The following SOX5 variants were observed in gnomAD, a reference collection of about 807,000 sequenced individuals.
SOX5 encodes transcription factor SOX-5.
A neutral mutation model predicts 92.0 loss-of-function variants in SOX5; 9 were observed. The observed-to-expected ratio is 0.10, with a 90% CI of 0.06 to 0.17. The LOEUF (loss-of-function observed/expected upper bound fraction) is 0.17. Among genes scored for constraint, SOX5 ranks in the 10% least tolerant of loss-of-function variants. The pLI, the probability that SOX5 is intolerant of heterozygous loss-of-function variation, is 1.00. For missense variants in SOX5, 642 were observed against 944.5 expected (o/e 0.68, Z 4.20); for synonymous variants, 344 against 336.3 (o/e 1.02, Z -0.25).
intron 4 of SOX5, among the ~76,000 whole-genome samples, chr12:24,131,496 T>G (rs568131021): frequency 3.3e-5 from 5 of 152,210 alleles, no homozygotes; most frequent in Non-Finnish European, 7.4e-5. Flanking sequence ...ACTTATTTAT[T>G]TATACCACTT....
intron 7 of SOX5, among the ~76,000 whole-genome samples, chr12:23,642,305 G>A (rs887975779): frequency 6.6e-6 from 1 of 152,116 alleles, no homozygotes; most frequent in African/African-American, 2.4e-5. Context: ...ACAGTTTAAT[G>A]GGAGAAAAAG....
At chr12:24,407,540 C>G (rs1005911059) in intron 1 of SOX5, 1 of 151,860 alleles carries the variant, frequency 6.6e-6, no homozygotes, top group African/African-American at 2.4e-5. Flanking sequence ...TGAAGTATGG[C>G]TCTACACCTT....
At chr12:23,715,392 C>G (rs566825422) in intron 6 of SOX5, among the ~76,000 whole-genome samples, 84 of 152,168 alleles carry the variant, frequency 5.5e-4, no homozygotes, top group Non-Finnish European at 1.1e-3. Flanking sequence ...CATCATTTCA[C>G]ACCACCTTAT....
At chr12:24,282,956 T>C (rs1234505273) in intron 2 of SOX5, among the ~76,000 whole-genome samples, 1 of 152,240 alleles carries the variant, frequency 6.6e-6, no homozygotes, top group Non-Finnish European at 1.5e-5. Context: ...AACATCTATA[T>C]TCAGGCCTTA....
intron 4 of SOX5, among the ~76,000 whole-genome samples, chr12:24,173,554 C>T (rs1954439894): frequency 6.6e-6 from 1 of 152,148 alleles, no homozygotes; most frequent in East Asian, 1.9e-4. Context: ...AGCTTTCTAC[C>T]TGGTAATCAG....
rs115918253 is a variant in SOX5 at position 24,313,345 on chromosome 12, G to C, written c.-173-36033C>G. 8.9e-3 allele frequency among the ~76,000 whole-genome samples: 1,351 copies of C among 152,196 alleles called. 16 individuals are homozygous for C. The highest frequency in any genetic ancestry group is 0.03 in the African/African-American group (1,253 of 41,528). On this transcript the variant is annotated intron_variant, in intron 2 of 4. Transcript: ENST00000446891. The stretch of plus-strand genomic sequence containing the variant: ...GAGTTCAAGACTAACCTGGGCAACA[G>C]AGTGAGACCCCATCTCTATAAAAAA...
intron 4 of SOX5, among the ~76,000 whole-genome samples, chr12:24,111,566 A>G (rs1421925181): frequency 6.6e-6 from 1 of 152,216 alleles, no homozygotes; most frequent in African/African-American, 2.4e-5. Context: ...TCTCAAATCC[A>G]TATATTTTAA....
intron 4 of SOX5, among the ~76,000 whole-genome samples, chr12:24,143,245 A>G (rs1460488680): frequency 6.6e-6 from 1 of 152,218 alleles, no homozygotes; most frequent in Non-Finnish European, 1.5e-5. Context: ...AAGAATATTT[A>G]TAGGAGTACA....
intron 4 of SOX5, among the ~76,000 whole-genome samples, chr12:23,996,490 A>T (rs368797044): frequency 3.9e-5 from 6 of 152,224 alleles, no homozygotes; most frequent in African/African-American, 1.4e-4. Flanking sequence ...AGAAGTACTC[A>T]AAAATACTTG....
intron 2 of SOX5, among the ~76,000 whole-genome samples, chr12:24,362,729 C>T (rs1451091291): frequency 2.0e-5 from 3 of 152,086 alleles, no homozygotes; most frequent in African/African-American, 7.2e-5. Context: ...TATAGGCGTG[C>T]TACCCTTTCC....
chr12:24,106,395 T>C (rs1248321299), intron 4 of SOX5, among the ~76,000 whole-genome samples: 1 of 152,142 alleles, frequency 6.6e-6, no homozygotes, highest in Non-Finnish European at 1.5e-5. Context: ...TATTCAAAAC[T>C]ATACATGACA....
intron 4 of SOX5, among the ~76,000 whole-genome samples, chr12:24,032,739 G>A (rs997421737): frequency 2.6e-5 from 4 of 151,772 alleles, no homozygotes; most frequent in Admixed American, 1.3e-4. Context: ...GTTACTATCC[G>A]AAAGAAATTT....
At chr12:23,665,664 A>G (rs2083676163) in intron 6 of SOX5, 100 bp from the exon 7 acceptor site, 1 of 1,373,734 alleles carries the variant, frequency 7.3e-7, no homozygotes, top group Non-Finnish European at 9.8e-7. Context: ...CATTTATTCA[A>G]TTCAAAAGAC....
At chr12:24,467,324 GAGAA>G (rs1274230425) in intron 1 of SOX5, among the ~76,000 whole-genome samples, 1 of 152,212 alleles carries the variant, frequency 6.6e-6, no homozygotes, top group Non-Finnish European at 1.5e-5. Context: ...ATAACTTAAT[GAGAA>G]AGAGAGACAG....
chr12:23,787,033 C>A (rs1193746470), intron 3 of SOX5, among the ~76,000 whole-genome samples: 3 of 145,106 alleles, frequency 2.1e-5, no homozygotes, highest in African/African-American at 7.7e-5. Context: ...TTATTTTCTT[C>A]CATAAGCACT....
chr12:24,528,057 A>G (rs917461780), intron 1 of SOX5, among the ~76,000 whole-genome samples: 4 of 152,208 alleles, frequency 2.6e-5, no homozygotes, highest in African/African-American at 4.8e-5. Flanking sequence ...AAGTTTACGA[A>G]TTTTTATTAC....
intron 4 of SOX5, among the ~76,000 whole-genome samples, chr12:23,979,911 G>A (rs61910024): frequency 0.14 from 17,055 of 119,168 alleles, 1,251 homozygotes; most frequent in South Asian, 0.17. Flanking sequence ...CTGGCTGGCT[G>A]GCCAGACAGA....
intron 4 of SOX5, among the ~76,000 whole-genome samples, chr12:24,093,371 A>G (rs973826522): frequency 2.2e-4 from 33 of 152,128 alleles, no homozygotes; most frequent in African/African-American, 7.0e-4. Flanking sequence ...AACACAAAAA[A>G]AACTAGCCAG....
At chr12:24,210,017 C>CAAAAAAAAAA in intron 4 of SOX5, among the ~76,000 whole-genome samples, 1 of 62,692 alleles carries the variant, frequency 1.6e-5, no homozygotes, top group Non-Finnish European at 2.7e-5. Context: ...GACTCCGTCT[C>CAAAAAAAAAA]AAAAAAAAAA....
Sources: gnomAD v4.1 joint callset for allele counts (sites outside exome capture counted in the v4.1 genomes callset) on GRCh38, gnomAD v4.1.1 for gene constraint, MANE v1.5 for transcripts, NCBI Gene and HGNC (gene_info 2026-07-23, HGNC 2026-07-21) for gene names.